COL22A1: variants seen among roughly 807,000 people sequenced by gnomAD.
COL22A1 encodes the protein collagen type XXII alpha 1 chain.
Under a neutral mutation model 248.9 loss-of-function variants are expected in COL22A1, and 221 were observed. The ratio of observed to expected loss-of-function variants is 0.89; its 90% confidence interval spans 0.80 to 0.99. The LOEUF (loss-of-function observed/expected upper bound fraction) is 0.99. Among genes scored for constraint, COL22A1 ranks in the 50% least tolerant of loss-of-function variants. The pLI is 0.00. For missense variants in COL22A1, 2,240 were observed against 2,179.0 expected (o/e 1.03, Z -0.56); for synonymous variants, 891 against 793.4 (o/e 1.12, Z -2.07).
chr8:138,670,831 C>T (rs1346626388), intron 41 of COL22A1, among the ~76,000 whole-genome samples: 3 of 151,764 alleles, frequency 2.0e-5, no homozygotes, highest in Non-Finnish European at 4.4e-5. Flanking sequence ...CATGGTGGCT[C>T]GCACCTGTAG....
Position 138,631,672 on chromosome 8 carries a change from C to T in COL22A1, c.3610-924G>A, listed in dbSNP as rs77911238. Among the ~76,000 whole-genome samples the T allele has an allele frequency of 7.2e-5, 9 of 125,016 alleles. No homozygotes were observed. In the East Asian group the frequency reaches 2.2e-3, roughly 31 times the overall value. 82.0% of individuals were successfully genotyped at this position (125,016 alleles called of 152,430 possible). ...TTGCATATGCTGTTTCTTCCCCCTACATTCTAGTCCCTCACATATGCACAG... is the reference window on the plus strand; with the variant it reads ...TTGCATATGCTGTTTCTTCCCCCTATATTCTAGTCCCTCACATATGCACAG... On this transcript the variant is annotated intron_variant, in intron 49 of 64. Transcript: ENST00000303045.
intron 56 of COL22A1, among the ~76,000 whole-genome samples, chr8:138,610,636 C>T (rs577453895): frequency 1.8e-4 from 28 of 152,342 alleles, no homozygotes; most frequent in South Asian, 6.2e-4. Context: ...AACCACACAG[C>T]GGCCTCTGGG....
chr8:138,674,614 T>C (rs928905792), intron 41 of COL22A1, among the ~76,000 whole-genome samples: 5 of 152,218 alleles, frequency 3.3e-5, no homozygotes, highest in South Asian at 2.1e-4. Context: ...TGATTTTTGC[T>C]GGCTCTTCGG....
chr8:138,760,982 C>G (rs1833436195), intron 17 of COL22A1, among the ~76,000 whole-genome samples: 2 of 152,204 alleles, frequency 1.3e-5, no homozygotes, highest in African/African-American at 4.8e-5. Context: ...GCTGCACAAT[C>G]AATCTCCATC....
intron 4 of COL22A1, among the ~76,000 whole-genome samples, chr8:138,839,371 C>A (rs571627815): frequency 6.6e-6 from 1 of 152,056 alleles, no homozygotes; most frequent in Non-Finnish European, 1.5e-5. Flanking sequence ...TCGGCTCCAT[C>A]GGCGAGTTTG....
chr8:138,650,764 C>A (rs1822652327), intron 45 of COL22A1, among the ~76,000 whole-genome samples: 1 of 152,132 alleles, frequency 6.6e-6, no homozygotes, highest in East Asian at 1.9e-4. Flanking sequence ...AATGCCCACA[C>A]ATTTAGCCAT....
intron 9 of COL22A1, among the ~76,000 whole-genome samples, chr8:138,808,862 A>G (rs908310313): frequency 6.6e-6 from 1 of 152,238 alleles, no homozygotes; most frequent in African/African-American, 2.4e-5. Flanking sequence ...TAGCGCCCAC[A>G]AGAGTGCCTG....
At chr8:138,733,254 C>A (rs73445003) in intron 23 of COL22A1, among the ~76,000 whole-genome samples, 2,086 of 152,332 alleles carry the variant, frequency 0.014, 47 homozygotes, top group African/African-American at 0.047. Flanking sequence ...TCCTAAAAGG[C>A]TGCCAGGATA....
At chr8:138,809,286 G>A (rs1290365931) in intron 9 of COL22A1, among the ~76,000 whole-genome samples, 1 of 152,142 alleles carries the variant, frequency 6.6e-6, no homozygotes, top group Non-Finnish European at 1.5e-5. Flanking sequence ...TAACCAGAGT[G>A]TAGACTACAG....
intron 3 of COL22A1, among the ~76,000 whole-genome samples, chr8:138,870,843 G>A (rs1412791747): frequency 6.6e-6 from 1 of 151,734 alleles, no homozygotes; most frequent in African/African-American, 2.4e-5. Context: ...GAGTGGGTGT[G>A]TATGTGAGGG....
rs536927991 is a variant in COL22A1 at position 138,903,639 on chromosome 8, T to C, written c.-73+9980A>G. On this transcript the variant is annotated intron_variant, in intron 1 of 64. Coordinates refer to ENST00000303045, the MANE Select transcript of COL22A1 (RefSeq NM_152888.3). Reference sequence around the variant, plus strand: ...CCTGGGCCCACAATTGCTTTTGTCTTCCAAGCCTCCCTCCTTCAGAGAGCA... The same window carrying C: ...CCTGGGCCCACAATTGCTTTTGTCTCCCAAGCCTCCCTCCTTCAGAGAGCA... Among the ~76,000 whole-genome samples, 5 of 152,208 alleles carry C rather than the reference T, an allele frequency of 3.3e-5. No homozygotes were observed. In the South Asian group the frequency reaches 1.0e-3, roughly 32 times the overall value.
chr8:138,702,611 T>TG (rs1828055688), intron 31 of COL22A1, among the ~76,000 whole-genome samples: 1 of 128,720 alleles, frequency 7.8e-6, no homozygotes, highest in Admixed American at 7.8e-5. Context: ...AACATTAAAG[T>TG]GGAAAAAAAA....
At position 138,776,894 on chromosome 8, in the gene COL22A1, C is replaced by T. The variant is rs543461157; in HGVS notation, c.1759-884G>A. Among the ~76,000 whole-genome samples, 4 of 152,304 alleles carry T rather than the reference C, an allele frequency of 2.6e-5. No individual in the cohort carries two copies. The East Asian group carries it at 5.8e-4, about 22-fold the overall frequency. ...CACAGGAATCTTCTAGGGGTTGTGTCGGAAGGCTACTGCCCTACTCTGAGA... is the reference window on the plus strand; with the variant it reads ...CACAGGAATCTTCTAGGGGTTGTGTTGGAAGGCTACTGCCCTACTCTGAGA... On this transcript the variant is annotated intron_variant, in intron 15 of 64. Transcript: ENST00000303045.
chr8:138,835,904 TCC>T (rs1820395683), intron 4 of COL22A1, among the ~76,000 whole-genome samples: 1 of 152,210 alleles, frequency 6.6e-6, no homozygotes. Context: ...ACACTTTCTC[TCC>T]CTGCCAGCTC....
At chr8:138,762,561 G>A (rs533408669) in intron 16 of COL22A1, 95 bp from the exon 17 acceptor site, 2 of 1,228,576 alleles carry the variant, frequency 1.6e-6, no homozygotes, top group Admixed American at 3.7e-5. Flanking sequence ...GGACAAGGAG[G>A]GTGGGGAAAA....
intron 8 of COL22A1, 78 bp downstream of exon 8, chr8:138,812,861 C>T (rs1014052891): frequency 8.8e-7 from 1 of 1,130,568 alleles, no homozygotes; most frequent in Non-Finnish European, 1.4e-6. Context: ...CCACCCAACC[C>T]TAAGCTCTGG....
At chr8:138,733,853 C>T (rs944863211) in intron 23 of COL22A1, among the ~76,000 whole-genome samples, 2 of 152,140 alleles carry the variant, frequency 1.3e-5, no homozygotes, top group African/African-American at 4.8e-5. Flanking sequence ...AGAGTAGGAC[C>T]CTGATCTGCA....
In COL22A1 at chr8:138,684,297, T is replaced by C. The variant is rs865914071; in HGVS notation, c.3012+128A>G. ...AAAAGTCCTAGAACCTTTAGTCAAA[T>C]GGAACACGATGAGCTGAGAAACATG... is the stretch of plus-strand genomic sequence containing the variant. On this transcript the variant is annotated intron_variant, in intron 39 of 64. Coordinates refer to ENST00000303045, the MANE Select transcript of COL22A1 (RefSeq NM_152888.3). 1.8e-5 allele frequency: 13 copies of C among 740,968 alleles called. No homozygotes were observed. The Middle Eastern group carries it at 1.9e-3, about 107-fold the overall frequency. The allele number at this position is 740,968 out of a possible 1,614,324, so 45.9% of individuals were successfully genotyped here. A position where few individuals can be genotyped will look rare whatever the true frequency, so the allele number is the denominator to read the frequency against.
intron 41 of COL22A1, among the ~76,000 whole-genome samples, chr8:138,676,351 G>A (rs1825505541): frequency 6.7e-6 from 1 of 148,542 alleles, no homozygotes; most frequent in Non-Finnish European, 1.5e-5. Flanking sequence ...AGCTGAGATT[G>A]CACCACTGCA....
Sources: gnomAD v4.1 joint callset for allele counts (sites outside exome capture counted in the v4.1 genomes callset) on GRCh38, gnomAD v4.1.1 for gene constraint, MANE v1.5 for transcripts, NCBI Gene and HGNC (gene_info 2026-07-23, HGNC 2026-07-21) for gene names.